ATRNL1: variants seen among roughly 807,000 people sequenced by gnomAD.
ATRNL1 encodes the protein attractin-like protein 1.
Under a neutral mutation model 182.7 loss-of-function variants are expected in ATRNL1, and 95 were observed. The observed-to-expected ratio is 0.52, with a 90% CI of 0.44 to 0.62. The LOEUF is 0.62. Among genes scored for constraint, ATRNL1 ranks in the 20% least tolerant of loss-of-function variants. ATRNL1 has a pLI of 0.00. For missense variants in ATRNL1, 1,471 were observed against 1,679.5 expected (o/e 0.88, Z 2.17); for synonymous variants, 576 against 568.3 (o/e 1.01, Z -0.19).
At chr10:115,908,754 C>A (rs903702976) in intron 28 of ATRNL1, among the ~76,000 whole-genome samples, 1 of 152,164 alleles carries the variant, frequency 6.6e-6, no homozygotes, top group Non-Finnish European at 1.5e-5. Flanking sequence ...GAGGTATATT[C>A]GGTTCATCTC....
intron 26 of ATRNL1, among the ~76,000 whole-genome samples, chr10:115,710,486 G>A (rs1029577394): frequency 3.3e-5 from 5 of 152,112 alleles, no homozygotes; most frequent in Non-Finnish European, 7.4e-5. Flanking sequence ...AATCAAGATA[G>A]AGTAATTATA....
chr10:115,596,482 T>C lies in ATRNL1; in HGVS notation c.3795+46946T>C, dbSNP rs533599697. On this transcript the variant is annotated intron_variant, in intron 26 of 28. Coordinates refer to ENST00000355044, the MANE Select transcript of ATRNL1 (RefSeq NM_207303.4). ...ATATGACTACATACAATTTTCAACT[T>C]ATGGTAAACACAATGACATTCATGG... 3.3e-5 allele frequency among the ~76,000 whole-genome samples: 5 copies of C among 152,354 alleles called. No individual in the cohort carries two copies. In the East Asian group the frequency reaches 9.6e-4, roughly 29 times the overall value.
At position 115,740,759 on chromosome 10, in the gene ATRNL1, G is replaced by A. The variant is rs781686776; in HGVS notation, c.3903+13404G>A. Among the ~76,000 whole-genome samples, 31 of 151,852 alleles carry A rather than the reference G, an allele frequency of 2.0e-4. 1 individual carries two copies. The highest frequency in any genetic ancestry group is 8.8e-5 in the Non-Finnish European group (6 of 67,974). On this transcript the variant is annotated intron_variant, in intron 27 of 28. Coordinates refer to ENST00000355044, the MANE Select transcript of ATRNL1 (RefSeq NM_207303.4). ...AACCTCAAGTGATCTACCTGCCTTA[G>A]CCTCCCAGAGTGCTGGGATTACAGG...
intron 28 of ATRNL1, among the ~76,000 whole-genome samples, chr10:115,916,097 G>A (rs1279615557): frequency 6.6e-6 from 1 of 152,200 alleles, no homozygotes. Context: ...ACATAGGTGA[G>A]TCAGCTCCTT....
chr10:115,735,307 T>C (rs1016176349), intron 27 of ATRNL1, among the ~76,000 whole-genome samples: 1 of 152,204 alleles, frequency 6.6e-6, no homozygotes, highest in Non-Finnish European at 1.5e-5. Flanking sequence ...TAAAATATAC[T>C]TTATCAAGCA....
chr10:115,185,594 G>T lies in ATRNL1; in HGVS notation c.1348+14302G>T, dbSNP rs12242039. On this transcript the variant is annotated intron_variant, in intron 8 of 28. Transcript: ENST00000355044. ...AAGGGAAGCCTCTACATAGGATGCA[G>T]ACTGTCATAGCTGGAGTTGAAAAAT... is the stretch of plus-strand genomic sequence containing the variant. Among the ~76,000 whole-genome samples, 626 of 152,184 alleles carry T rather than the reference G, an allele frequency of 4.1e-3. 4 individuals carry two copies. The highest frequency in any genetic ancestry group is 0.014 in the African/African-American group (601 of 41,572).
intron 26 of ATRNL1, among the ~76,000 whole-genome samples, chr10:115,603,212 A>G (rs1475304892): frequency 1.3e-5 from 2 of 152,182 alleles, no homozygotes; most frequent in Non-Finnish European, 2.9e-5. Flanking sequence ...GACAGGGGAT[A>G]GGACTGAAAA....
At chr10:115,534,243 C>G (rs1328534757) in intron 25 of ATRNL1, among the ~76,000 whole-genome samples, 1 of 150,648 alleles carries the variant, frequency 6.6e-6, no homozygotes, top group African/African-American at 2.4e-5. Context: ...GAGTCTAAGT[C>G]TCCTTGCAGG....
At chr10:115,874,655 A>T (rs930570150) in intron 28 of ATRNL1, among the ~76,000 whole-genome samples, 1 of 152,206 alleles carries the variant, frequency 6.6e-6, no homozygotes, top group Non-Finnish European at 1.5e-5. Flanking sequence ...AAGAGCACTT[A>T]CTAAAAGTTA....
At chr10:115,172,681 T>C (rs535979550) in intron 8 of ATRNL1, among the ~76,000 whole-genome samples, 1 of 152,080 alleles carries the variant, frequency 6.6e-6, no homozygotes, top group Non-Finnish European at 1.5e-5. Flanking sequence ...TCTTTGACCT[T>C]ACCAGAGCCT....
intron 19 of ATRNL1, among the ~76,000 whole-genome samples, chr10:115,372,939 A>G (rs2134203197): frequency 1.3e-5 from 2 of 152,224 alleles, no homozygotes; most frequent in South Asian, 4.1e-4. Flanking sequence ...ATTGCATTAT[A>G]CCAGTAGATC....
chr10:115,334,310 C>A lies in ATRNL1; in HGVS notation c.3066C>A (p.Cys1022Ter). ...PACQCNGHST[C>*]INNNVCEQCK... ...GCCAGTGTAATGGACATAGCACTTG[C>A]ATCAATAATAATGTGTGCGAACAGT... The change falls in exon 19 of 29, where the codon TGC (cysteine) becomes TGA (stop). Residue 1022 changes from cysteine to a stop codon, truncating the protein, a stop_gained. Coordinates refer to ENST00000355044, the MANE Select transcript of ATRNL1 (RefSeq NM_207303.4). LOFTEE classifies it high-confidence loss of function. The A allele has an allele frequency of 6.3e-7, 1 of 1,579,730 alleles. No individual in the cohort carries two copies. The highest frequency in any genetic ancestry group is 8.6e-7 in the Non-Finnish European group (1 of 1,158,086).
chr10:115,497,878 G>A (rs1191450365), intron 24 of ATRNL1, among the ~76,000 whole-genome samples: 1 of 151,894 alleles, frequency 6.6e-6, no homozygotes, highest in Admixed American at 6.6e-5. Flanking sequence ...GGATGGTGTC[G>A]ATCTCCTGAC....
intron 26 of ATRNL1, among the ~76,000 whole-genome samples, chr10:115,636,803 C>T (rs1423702758): frequency 6.6e-6 from 1 of 152,108 alleles, no homozygotes; most frequent in Non-Finnish European, 1.5e-5. Context: ...GGAAACAGCT[C>T]AAATGTCTAG....
At chr10:115,609,744 T>C (rs1372207122) in intron 26 of ATRNL1, among the ~76,000 whole-genome samples, 1 of 152,076 alleles carries the variant, frequency 6.6e-6, no homozygotes, top group Non-Finnish European at 1.5e-5. Context: ...TTGGCACTGG[T>C]AATATGAGAC....
intron 28 of ATRNL1, among the ~76,000 whole-genome samples, chr10:115,904,989 G>A (rs927008577): frequency 5.9e-5 from 9 of 152,102 alleles, no homozygotes; most frequent in African/African-American, 9.7e-5. Flanking sequence ...TCTATCACTC[G>A]GATGGATGTA....
Position 115,261,382 on chromosome 10 carries a change from C to A in ATRNL1, c.1688-3811C>A, listed in dbSNP as rs1554908793. On this transcript the variant is annotated intron_variant, in intron 10 of 28. Coordinates refer to ENST00000355044, the MANE Select transcript of ATRNL1 (RefSeq NM_207303.4). ...ATGAGATTAAATAAACAGATGAAAT[C>A]TAAGAAATGGAATATATAACAGGGG... is the stretch of plus-strand genomic sequence containing the variant. Among the ~76,000 whole-genome samples the A allele has an allele frequency of 2.0e-5, 3 of 151,966 alleles. 1 individual carries two copies. In the South Asian group the frequency reaches 6.2e-4, roughly 32 times the overall value.
At chr10:115,387,612 T>C (rs1858438209) in intron 19 of ATRNL1, among the ~76,000 whole-genome samples, 1 of 152,164 alleles carries the variant, frequency 6.6e-6, no homozygotes, top group Admixed American at 6.5e-5. Context: ...AACCCAGCCC[T>C]GGGCAGCTAC....
intron 26 of ATRNL1, among the ~76,000 whole-genome samples, chr10:115,686,615 T>G (rs1397265396): frequency 6.6e-6 from 1 of 152,056 alleles, no homozygotes; most frequent in African/African-American, 2.4e-5. Flanking sequence ...AGGTGCTCAG[T>G]TAGCATTTGT....
Sources: allele counts gnomAD v4.1 joint callset (sites outside exome capture counted in the v4.1 genomes callset), GRCh38; gene constraint gnomAD v4.1.1; transcripts MANE v1.5; gene names NCBI Gene and HGNC (gene_info 2026-07-23, HGNC 2026-07-21).